The following SFI1 variants were observed in gnomAD, a reference collection of about 807,000 sequenced individuals.
The protein encoded by SFI1 is SFI1 centrin binding protein.
Under a neutral mutation model 207.5 loss-of-function variants are expected in SFI1, and 195 were observed. That is an observed-to-expected ratio of 0.94 (90% CI 0.84 to 1.06). SFI1 has a LOEUF of 1.06. Ranked by LOEUF, SFI1 falls within the 50% of genes least tolerant of loss-of-function variation. The pLI is 0.00. For synonymous variants in SFI1, 630 were observed against 598.9 expected (o/e 1.05, Z -0.76); for missense variants, 1,634 against 1,588.0 (o/e 1.03, Z -0.49).
chr22:31,614,402 C>G (rs878861199), intron 27 of SFI1: 2 of 395,208 alleles, frequency 5.1e-6, no homozygotes, highest in Non-Finnish European at 9.8e-6. Flanking sequence ...CCTTGGGCCT[C>G]GGGGGAGATG....
Position 31,616,743 on chromosome 22 carries a change from A to G in SFI1, c.3301-2A>G. The G allele has an allele frequency of 6.5e-7, 1 of 1,536,726 alleles. No homozygotes were observed. Among genetic ancestry groups the G allele is most frequent in the Non-Finnish European group, 8.7e-7 (1 of 1,145,544 alleles). ...CAGCATCTACCCTTCTTTCCTTTGC[A>G]GGTGTCAGCACAGCGGGCTACTCCT... is the stretch of plus-strand genomic sequence containing the variant. On this transcript the variant is annotated splice_acceptor_variant, in intron 29 of 32. Coordinates refer to ENST00000400288, the MANE Select transcript of SFI1 (RefSeq NM_001007467.3). LOFTEE classifies it high-confidence loss of function.
intron 19 of SFI1, 121 bp from the exon 20 acceptor site, chr22:31,604,748 T>C: frequency 1.1e-6 from 1 of 878,218 alleles, no homozygotes; most frequent in Non-Finnish European, 1.7e-6. Context: ...TGTTGGCCTC[T>C]TCCTACCCTT....
At chr22:31,542,650 A>ATTAT (rs925180983) in intron 4 of SFI1, among the ~76,000 whole-genome samples, 24 of 151,608 alleles carry the variant, frequency 1.6e-4, no homozygotes, top group East Asian at 7.8e-4. Context: ...TATAAATACT[A>ATTAT]TTATTTATTT....
intron 15 of SFI1, among the ~76,000 whole-genome samples, chr22:31,596,871 C>A (rs2067201147): frequency 6.6e-6 from 1 of 151,658 alleles, no homozygotes; most frequent in Non-Finnish European, 1.5e-5. Flanking sequence ...AAGACACGCA[C>A]ACACAGTACC....
intron 15 of SFI1, among the ~76,000 whole-genome samples, chr22:31,598,213 C>G (rs993668602): frequency 6.6e-6 from 1 of 151,794 alleles, no homozygotes; most frequent in Non-Finnish European, 1.5e-5. Flanking sequence ...TCTGGATCTC[C>G]TGACCTCATG....
Position 31,531,140 on chromosome 22 carries a change from C to T in SFI1, c.338+11C>T, listed in dbSNP as rs1274656997. ...TCCCTCTAAAGCCAGGTAGTATTAG[C>T]TCAGAACAACATAATTGTGTTGAGT... On this transcript the variant is annotated intron_variant, in intron 4 of 32. Transcript: ENST00000400288. The T allele has an allele frequency of 6.2e-7, 1 of 1,600,616 alleles. No individual in the cohort carries two copies. The highest frequency in any genetic ancestry group is 1.7e-5 in the Admixed American group (1 of 58,648).
rs199982480 is a variant in SFI1 at position 31,561,304 on chromosome 22, C to G, written c.677C>G (p.Thr226Arg). Residue 226 changes from threonine (T) to arginine (R), a missense_variant, in exon 8 of 33, where the codon ACG (threonine) becomes AGG (arginine). Coordinates refer to ENST00000400288, the MANE Select transcript of SFI1 (RefSeq NM_001007467.3). ...QRIILRVWWS[T>R]WRQRLGQVRV... ...CTGTTTCACAGGGTGTGGTGGAGCACGTGGAGGCAGCGACTAGGACAGGTC... is the reference window on the plus strand; with the variant it reads ...CTGTTTCACAGGGTGTGGTGGAGCAGGTGGAGGCAGCGACTAGGACAGGTC... 2.5e-6 allele frequency: 4 copies of G among 1,613,948 alleles called. No homozygotes were observed. The South Asian group carries it at 3.3e-5, about 13-fold the overall frequency.
chr22:31,526,765 G>GT (rs1442693042), intron 2 of SFI1, among the ~76,000 whole-genome samples: 5 of 152,222 alleles, frequency 3.3e-5, no homozygotes, highest in African/African-American at 9.6e-5. Context: ...GTTTCACCAT[G>GT]TTGTCCAAGC....
chr22:31,590,746 A>G (rs2146451209), intron 15 of SFI1, among the ~76,000 whole-genome samples: 1 of 151,122 alleles, frequency 6.6e-6, no homozygotes, highest in East Asian at 2.0e-4. Context: ...CAGGTGATCC[A>G]CCTGCCTGGG....
intron 6 of SFI1, among the ~76,000 whole-genome samples, chr22:31,555,073 G>A (rs1021043307): frequency 6.6e-6 from 1 of 152,042 alleles, no homozygotes; most frequent in Non-Finnish European, 1.5e-5. Flanking sequence ...TTTGTTCTGT[G>A]GCCCCAAATA....
chr22:31,573,292 T>G lies in SFI1; in HGVS notation c.922+78T>G, dbSNP rs1001720697. The G allele has an allele frequency of 3.4e-6, 5 of 1,461,106 alleles. No homozygotes were observed. In the African/African-American group the frequency reaches 5.6e-5, roughly 16 times the overall value. The allele number at this position is 1,461,106 out of a possible 1,614,324, so 90.5% of individuals were successfully genotyped here. On this transcript the variant is annotated intron_variant, in intron 9 of 32. Coordinates refer to ENST00000400288, the MANE Select transcript of SFI1 (RefSeq NM_001007467.3). ...TCTCCTGCTGCCAGTGGTACTGTAC[T>G]AAGAAGTAATATAATGGTGCTACTC...
At chr22:31,519,726 C>T (rs2147033963) in intron 2 of SFI1, among the ~76,000 whole-genome samples, 1 of 152,168 alleles carries the variant, frequency 6.6e-6, no homozygotes, top group South Asian at 2.1e-4. Context: ...CCGTGAGCCA[C>T]TGCACCCGGC....
intron 28 of SFI1, 28 bp downstream of exon 28, chr22:31,614,888 G>T: frequency 6.2e-7 from 1 of 1,611,266 alleles, no homozygotes; most frequent in Non-Finnish European, 8.5e-7. Context: ...CCGTGGGCAG[G>T]CAGGGGGAGA....
intron 2 of SFI1, among the ~76,000 whole-genome samples, chr22:31,516,251 G>A (rs1462126825): frequency 6.6e-6 from 1 of 152,144 alleles, no homozygotes; most frequent in South Asian, 2.1e-4. Flanking sequence ...CGTGGCTTAC[G>A]TCTGGAATTC....
chr22:31,556,929 T>G lies in SFI1; in HGVS notation c.545-13T>G, dbSNP rs1397438846. The G allele has an allele frequency of 6.4e-7, 1 of 1,572,800 alleles. No individual in the cohort carries two copies. Among genetic ancestry groups the G allele is most frequent in the Non-Finnish European group, 8.7e-7 (1 of 1,152,942 alleles). On this transcript the variant is annotated splice_polypyrimidine_tract_variant and intron_variant, in intron 6 of 32. Coordinates refer to ENST00000400288, the MANE Select transcript of SFI1 (RefSeq NM_001007467.3). ...TCCCCATGCCTTTTGAAAAATCTCT[T>G]TGGTGAATCTAGATGCAAAGCAAAA...
intron 22 of SFI1, among the ~76,000 whole-genome samples, chr22:31,610,323 CAG>C (rs1413914479): frequency 1.3e-5 from 2 of 152,196 alleles, no homozygotes; most frequent in East Asian, 3.9e-4. Context: ...ATGGGGATAA[CAG>C]TGCCTACCTC....
chr22:31,528,804 G>T lies in SFI1; in HGVS notation c.207G>T (p.Val69=), dbSNP rs2058186534. Residue 69 remains valine (V), a synonymous_variant, in exon 3 of 33, where the codon GTG becomes GTT. Transcript: ENST00000400288. ...RRELPSTSHL[V]QYRGTHTCTR... is the part of the protein sequence containing the mutation. The stretch of plus-strand genomic sequence containing the variant: ...AGTTACCTAGTACCAGTCATCTAGT[G>T]CAGTATCGTGGCACACATACTTGTA... 1.2e-6 allele frequency: 2 copies of T among 1,614,150 alleles called. No individual in the cohort carries two copies. The highest frequency in any genetic ancestry group is 1.7e-6 in the Non-Finnish European group (2 of 1,179,996).
chr22:31,569,170 AT>A (rs2062698411), intron 8 of SFI1, among the ~76,000 whole-genome samples: 2 of 152,124 alleles, frequency 1.3e-5, no homozygotes, highest in Non-Finnish European at 2.9e-5. Context: ...GAACTAGAAA[AT>A]TGCTGTTTTG....
intron 15 of SFI1, among the ~76,000 whole-genome samples, chr22:31,594,963 A>G (rs1368222313): frequency 6.6e-6 from 1 of 151,724 alleles, no homozygotes; most frequent in East Asian, 1.9e-4. Context: ...ATATGGTGGG[A>G]CATAATGAAG....
Sources: gnomAD v4.1 joint callset for allele counts (sites outside exome capture counted in the v4.1 genomes callset) on GRCh38, gnomAD v4.1.1 for gene constraint, MANE v1.5 for transcripts, NCBI Gene and HGNC (gene_info 2026-07-23, HGNC 2026-07-21) for gene names.